The following OSBPL10 variants were observed in gnomAD, a reference collection of about 807,000 sequenced individuals.
OSBPL10 encodes oxysterol-binding protein-related protein 10.
A neutral mutation model predicts 81.7 loss-of-function variants in OSBPL10; 49 were observed. That is an observed-to-expected ratio of 0.60 (90% CI 0.48 to 0.76). OSBPL10 has a LOEUF of 0.76. Ranked by LOEUF, OSBPL10 falls within the 30% of genes least tolerant of loss-of-function variation. The probability of loss-of-function intolerance (pLI) is 0.00; values close to 1 mark genes in which losing one functional copy is unlikely to be tolerated. For synonymous variants in OSBPL10, 419 were observed against 383.6 expected (o/e 1.09, Z -1.08); for missense variants, 923 against 987.8 (o/e 0.93, Z 0.88).
chr3:31,898,845 T>C (rs1354339132), intron 1 of OSBPL10, among the ~76,000 whole-genome samples: 1 of 151,648 alleles, frequency 6.6e-6, no homozygotes, highest in Non-Finnish European at 1.5e-5. Flanking sequence ...GTTTAACTTA[T>C]GGATTCTTTT....
chr3:31,796,993 ATT>A (rs71097443), intron 4 of OSBPL10, among the ~76,000 whole-genome samples: 295 of 123,590 alleles, frequency 2.4e-3, no homozygotes, highest in African/African-American at 8.3e-3. Flanking sequence ...ATTTTTATTA[ATT>A]TTTTTTTTTT....
At chr3:31,663,112 C>G (rs1309787025) in intron 11 of OSBPL10, 2 of 985,282 alleles carry the variant, frequency 2.0e-6, no homozygotes, top group Non-Finnish European at 2.4e-6. Context: ...ACTTCTCAGC[C>G]TCGTATATAG....
chr3:32,049,959 G>T (rs1699657141), intron 1 of OSBPL10, among the ~76,000 whole-genome samples: 1 of 152,114 alleles, frequency 6.6e-6, no homozygotes, highest in Non-Finnish European at 1.5e-5. Context: ...ATGAAAACTT[G>T]TTATAGGAAT....
At chr3:31,776,279 C>T (rs1042204050) in intron 4 of OSBPL10, among the ~76,000 whole-genome samples, 1 of 152,140 alleles carries the variant, frequency 6.6e-6, no homozygotes, top group South Asian at 2.1e-4. Flanking sequence ...TTCACAACCA[C>T]TAGGATGGCT....
At chr3:32,015,159 C>T (rs1334271305) in intron 2 of OSBPL10, among the ~76,000 whole-genome samples, 6 of 151,192 alleles carry the variant, frequency 4.0e-5, no homozygotes, top group South Asian at 2.1e-4. Flanking sequence ...GCCAAAAGAA[C>T]AAAGCTGGAG....
chr3:31,906,570 A>G (rs1696413641), intron 1 of OSBPL10, among the ~76,000 whole-genome samples: 1 of 152,212 alleles, frequency 6.6e-6, no homozygotes, highest in South Asian at 2.1e-4. Flanking sequence ...TGGGTACTTT[A>G]TGAATATATA....
At chr3:31,799,394 A>AAT (rs1192136409) in intron 4 of OSBPL10, among the ~76,000 whole-genome samples, 2 of 150,958 alleles carry the variant, frequency 1.3e-5, no homozygotes, top group Non-Finnish European at 3.0e-5. Context: ...AAAAAAAAAA[A>AAT]AAAAAAAAAA....
chr3:31,670,818 A>C lies in OSBPL10; in HGVS notation c.1892T>G (p.Phe631Cys). Residue 631 changes from phenylalanine (F) to cysteine (C), a missense_variant, in exon 9 of 12, where the codon TTC (phenylalanine) becomes TGC (cysteine). Physicochemically the swap from Phe to Cys is radical, Grantham distance 205. Around this residue, in one of 3 missense-constraint regions of OSBPL10, gnomAD observed 387 missense variants for 436.3 expected, o/e 0.89. Transcript: ENST00000396556. ...SATVIFHTKPFYGGKVHRVTA... is the reference protein window; with the variant it reads ...SATVIFHTKPCYGGKVHRVTA... ...CTACCTGTGGACTTTCCCTCCATAG[A>C]AAGGCTTCGTGTGGAATATCACTGT... 1 of 1,613,980 alleles carries C rather than the reference A, an allele frequency of 6.2e-7. No homozygotes were observed.
intron 2 of OSBPL10, among the ~76,000 whole-genome samples, chr3:32,014,435 G>A (rs1157788123): frequency 6.6e-6 from 1 of 152,150 alleles, no homozygotes; most frequent in Non-Finnish European, 1.5e-5. Context: ...AGGTATCGAT[G>A]GGATGTATCT....
chr3:31,811,066 G>A (rs1044760029), intron 4 of OSBPL10, among the ~76,000 whole-genome samples: 1 of 152,076 alleles, frequency 6.6e-6, no homozygotes, highest in Non-Finnish European at 1.5e-5. Context: ...TACTCACTGT[G>A]AGCCTATAAG....
At chr3:31,708,794 T>C (rs1696158866) in intron 6 of OSBPL10, 1 of 985,466 alleles carries the variant, frequency 1.0e-6, no homozygotes, top group Non-Finnish European at 1.2e-6. Context: ...TCTCCAAAAG[T>C]AGGCCATCTT....
Position 31,953,091 on chromosome 3 carries a change from CTGGCTAATTTTTT to C in OSBPL10, c.281+27795_281+27807del, listed in dbSNP as rs1326361842. On this transcript the variant is annotated intron_variant, in intron 1 of 11. Coordinates refer to ENST00000396556, the MANE Select transcript of OSBPL10 (RefSeq NM_017784.5). The stretch of plus-strand genomic sequence containing the variant: ...GGATTACAGGCGCCCACCACCATGC[CTGGCTAATTTTTT>C]TGTATTTTTAGTAGAGACGGGGGTC... Among the ~76,000 whole-genome samples the C allele has an allele frequency of 3.9e-5, 6 of 151,948 alleles. No individual in the cohort carries two copies. In the East Asian group the frequency reaches 1.2e-3, roughly 30 times the overall value.
At chr3:31,968,444 C>T (rs1368351778) in intron 1 of OSBPL10, among the ~76,000 whole-genome samples, 1 of 151,680 alleles carries the variant, frequency 6.6e-6, no homozygotes. Context: ...CAGACCATTC[C>T]ATGACATGAA....
chr3:31,679,294 C>G (rs1436431555), intron 8 of OSBPL10, among the ~76,000 whole-genome samples: 1 of 152,224 alleles, frequency 6.6e-6, no homozygotes, highest in African/African-American at 2.4e-5. Flanking sequence ...TACTTTGTCT[C>G]TTAGTGTCAG....
chr3:32,071,951 C>A (rs991078927), intron 1 of OSBPL10, among the ~76,000 whole-genome samples: 12 of 152,102 alleles, frequency 7.9e-5, no homozygotes, highest in African/African-American at 2.9e-4. Flanking sequence ...GCAGTTCCAC[C>A]AGGCCTAATT....
At chr3:31,908,036 G>A (rs1696463776) in intron 1 of OSBPL10, among the ~76,000 whole-genome samples, 1 of 152,104 alleles carries the variant, frequency 6.6e-6, no homozygotes, top group African/African-American at 2.4e-5. Flanking sequence ...TCTGAGCAAA[G>A]ACTGGAAGGA....
chr3:31,889,607 T>A (rs1575601020), intron 1 of OSBPL10, among the ~76,000 whole-genome samples: 1 of 151,182 alleles, frequency 6.6e-6, no homozygotes, highest in African/African-American at 2.4e-5. Flanking sequence ...AAAAAAAAAA[T>A]TGACCTCCTA....
Position 31,670,960 on chromosome 3 carries a change from C to T in OSBPL10, c.1750G>A (p.Gly584Arg), listed in dbSNP as rs556815829. The change falls in exon 9 of 12, where the codon GGG becomes AGG. Residue 584 changes from glycine to arginine, a missense_variant. By Grantham distance (125) the Gly-to-Arg change is moderately radical. Around this residue, in one of 3 missense-constraint regions of OSBPL10, gnomAD observed 387 missense variants for 436.3 expected, o/e 0.89. Transcript: ENST00000396556. ...GEGVLRLLEH[G>R]EEYVFTLPSA... The stretch of plus-strand genomic sequence containing the variant: ...GGCAGGGTGAATACGTACTCCTCCC[C>T]GTGTTCCAGGAGCCTCAACACACCT... The T allele has an allele frequency of 4.5e-5, 72 of 1,612,814 alleles. No homozygotes were observed. Among genetic ancestry groups the T allele is most frequent in the Middle Eastern group, 1.6e-4 (1 of 6,076 alleles).
In OSBPL10 at chr3:31,869,743, C is replaced by A. The variant is rs540868749; in HGVS notation, c.537+6690G>T. Among the ~76,000 whole-genome samples the A allele has an allele frequency of 4.0e-3, 606 of 152,322 alleles. 2 individuals carry two copies. The highest frequency in any genetic ancestry group is 0.014 in the African/African-American group (563 of 41,562). ...AGTCACTTAACAGTTGTGTAACTTT[C>A]AGCCTGTCATTTAGGTTCAGTTGGC... is the stretch of plus-strand genomic sequence containing the variant. On this transcript the variant is annotated intron_variant, in intron 3 of 11. Transcript: ENST00000396556.
Sources: allele counts gnomAD v4.1 joint callset (sites outside exome capture counted in the v4.1 genomes callset), GRCh38; gene constraint gnomAD v4.1.1; regional missense constraint gnomAD v4.1.1; transcripts MANE v1.5; gene names NCBI Gene and HGNC (gene_info 2026-07-23, HGNC 2026-07-21).